Variants in NBPF8 observed in about 807,000 individuals in gnomAD.
NBPF8 encodes NBPF member 8, also known as NBPF family member NBPF8.
chr1:120,431,281 G>A (rs71582764), intron 3 of NBPF8, among the ~76,000 whole-genome samples: 54,075 of 118,172 alleles, frequency 0.46, 13,673 homozygotes, highest in African/African-American at 0.67. Flanking sequence ...GTGTGTGTGT[G>A]TATATTCACC....
intron 11 of NBPF8, among the ~76,000 whole-genome samples, chr1:120,450,424 G>C (rs1335043896): frequency 3.3e-5 from 5 of 151,892 alleles, no homozygotes; most frequent in Non-Finnish European, 5.9e-5. Flanking sequence ...CATCCAAGTT[G>C]CTTGTCTTGT....
At chr1:120,419,237 G>A (rs1348018233), upstream of NBPF8, among the ~76,000 whole-genome samples, 1 of 152,230 alleles carries the variant, frequency 6.6e-6, no homozygotes, top group African/African-American at 2.4e-5. Context: ...CTTTGTATGT[G>A]TTGCTGCTAA....
At chr1:120,463,058 A>G in intron 21 of NBPF8, 92 bp downstream of exon 19, 2 of 656,086 alleles carry the variant, frequency 3.0e-6, no homozygotes, top group South Asian at 1.7e-5. Context: ...CTGACCCGAG[A>G]GATGTCATTG....
chr1:120,452,127 G>C lies in NBPF8; in HGVS notation n.2085G>C. ...ACCGTCTCACCTTAGGCAATATAAA[G>C]TCCTGGTTCACACTCAGGAACGAGA... On this transcript the variant is annotated non_coding_transcript_exon_variant, in exon 13 of 25. Coordinates refer to ENST00000583271, the Ensembl canonical transcript of NBPF8. The C allele has an allele frequency of 1.9e-6, 3 of 1,604,762 alleles. No homozygotes were observed. The South Asian group carries it at 3.3e-5, about 18-fold the overall frequency.
exon 23 of NBPF8, chr1:120,464,538 T>C (rs1298202259): frequency 8.6e-6 from 7 of 818,152 alleles, no homozygotes; most frequent in Non-Finnish European, 1.5e-5. Flanking sequence ...GCTTTTCTCT[T>C]GACGTGGGAG....
upstream of NBPF8, among the ~76,000 whole-genome samples, chr1:120,415,607 C>T (rs1386876921): frequency 6.6e-6 from 1 of 152,310 alleles, no homozygotes; most frequent in Admixed American, 6.5e-5. Context: ...CCGCACCCCA[C>T]CCTCGAGGCC....
At chr1:120,421,574 T>A (rs1660579110) in intron 1 of NBPF8, among the ~76,000 whole-genome samples, 1 of 150,214 alleles carries the variant, frequency 6.7e-6, no homozygotes, top group African/African-American at 2.5e-5. Context: ...CTTCCTTTCT[T>A]CTTTTCTTTT....
chr1:120,461,104 C>T (rs1337379435), intron 18 of NBPF8, 150 bp from the exon 17 acceptor site: 6 of 630,654 alleles, frequency 9.5e-6, no homozygotes, highest in Non-Finnish European at 1.7e-5. Flanking sequence ...CCTAGTCTAT[C>T]CCAACATAAA....
chr1:120,420,873 G>T (rs1660555793), intron 1 of NBPF8, among the ~76,000 whole-genome samples: 1 of 148,006 alleles, frequency 6.8e-6, no homozygotes. Flanking sequence ...CACCACTGCA[G>T]GCATTGAGAG....
At chr1:120,434,716 A>C (rs1371145117), upstream of NBPF8, among the ~76,000 whole-genome samples, 1 of 146,898 alleles carries the variant, frequency 6.8e-6, no homozygotes, top group Non-Finnish European at 1.5e-5. Flanking sequence ...TGTTTTAAAA[A>C]GTTAATATTA....
chr1:120,452,830 C>G (rs1345324064), intron 13 of NBPF8, among the ~76,000 whole-genome samples: 4 of 152,226 alleles, frequency 2.6e-5, no homozygotes, highest in East Asian at 3.9e-4. Context: ...AGGCCCTCGC[C>G]GTGTGATGTT....
exon 1 of NBPF8, chr1:120,436,490 C>T (rs1661083755): frequency 1.4e-6 from 2 of 1,434,828 alleles, no homozygotes; most frequent in Non-Finnish European, 2.0e-6. Flanking sequence ...CTCCCCAGTC[C>T]CTGACTCCAC....
At chr1:120,436,650 T>G (rs1661092079) in exon 1 of NBPF8, 1 of 1,607,710 alleles carries the variant, frequency 6.2e-7, no homozygotes, top group Admixed American at 1.7e-5. Flanking sequence ...GAGAGATGTT[T>G]TCTAACTCAA....
In NBPF8 at chr1:120,455,216, G is replaced by A. The variant is rs1372021232; in HGVS notation, n.2569-193G>A. ...GGTCTACATGTAGAGGGAGATTTTG[G>A]CCTGTGGGTCTGGAAAGCAGGGTCA... On this transcript the variant is annotated intron_variant and non_coding_transcript_variant, in intron 15 of 24. Transcript: ENST00000583271. Among the ~76,000 whole-genome samples the A allele has an allele frequency of 3.9e-5, 6 of 152,022 alleles. No individual in the cohort carries two copies. In the East Asian group the frequency reaches 1.2e-3, roughly 29 times the overall value.
At chr1:120,432,135 C>T (rs1402632767), upstream of NBPF8, 1 of 144,488 alleles carries the variant, frequency 6.9e-6, no homozygotes, top group Non-Finnish European at 1.5e-5. Context: ...GCTGGGGTCC[C>T]TTATCTTGTC....
At chr1:120,460,046 C>T (rs1266614896) in intron 17 of NBPF8, among the ~76,000 whole-genome samples, 9 of 152,144 alleles carry the variant, frequency 5.9e-5, no homozygotes, top group Admixed American at 6.5e-5. Context: ...TTTAGCTCAT[C>T]TGTCCGTCAT....
chr1:120,424,267 CATA>C (rs1660647838), intron 1 of NBPF8, among the ~76,000 whole-genome samples: 1 of 151,372 alleles, frequency 6.6e-6, no homozygotes, highest in Admixed American at 6.6e-5. Context: ...TTTGGGGAAA[CATA>C]ATAGTAGTCC....
intron 3 of NBPF8, among the ~76,000 whole-genome samples, chr1:120,428,100 C>T (rs1332014785): frequency 1.3e-5 from 2 of 151,940 alleles, no homozygotes; most frequent in Non-Finnish European, 2.9e-5. Context: ...CAAAATATTG[C>T]CTTGTTTCCT....
At chr1:120,428,140 A>T (rs1202650976) in intron 3 of NBPF8, among the ~76,000 whole-genome samples, 3 of 151,940 alleles carry the variant, frequency 2.0e-5, no homozygotes, top group Non-Finnish European at 4.4e-5. Context: ...ATAATATGCA[A>T]ATTTGTTGTC....
Sources: gnomAD v4.1 joint callset for allele counts (sites outside exome capture counted in the v4.1 genomes callset) on GRCh38, gnomAD v4.1.1 for gene constraint, MANE v1.5 for transcripts, NCBI Gene and HGNC (gene_info 2026-07-23, HGNC 2026-07-21) for gene names.